RAD51B: variants seen among roughly 807,000 people sequenced by gnomAD.
The protein encoded by RAD51B is RAD51 paralog B.
In RAD51B, 38 loss-of-function variants were observed where a neutral mutation model predicts 42.2. The ratio of observed to expected loss-of-function variants is 0.90; its 90% CI spans 0.70 to 1.18. The LOEUF (loss-of-function observed/expected upper bound fraction) is 1.18, where lower values mean the gene tolerates loss of function less well. RAD51B is among the 50% of genes most tolerant of loss of function. RAD51B has a pLI of 0.00. For synonymous variants in RAD51B, 154 were observed against 145.2 expected (o/e 1.06, Z -0.43); for missense variants, 373 against 400.7 (o/e 0.93, Z 0.59).
chr14:67,855,238 CT>C lies in RAD51B; in HGVS notation c.316-9755del, dbSNP rs199813937. On this transcript the variant is annotated intron_variant, in intron 4 of 10. Transcript: ENST00000471583. ...TCTTGGAACAATTACTATTATAGTT[CT>C]TTTTTTTTTGAGACAGAGTCTTGCT... Among the ~76,000 whole-genome samples, 47 of 146,862 alleles carry C rather than the reference CT, an allele frequency of 3.2e-4. 1 individual carries two copies. The East Asian group carries it at 5.2e-3, about 16-fold the overall frequency.
intron 10 of RAD51B, among the ~76,000 whole-genome samples, chr14:68,542,782 G>C (rs1888035953): frequency 6.6e-6 from 1 of 152,040 alleles, no homozygotes; most frequent in African/African-American, 2.4e-5. Flanking sequence ...ATCCTATTTC[G>C]AGACCAGATG....
intron 7 of RAD51B, among the ~76,000 whole-genome samples, chr14:68,158,749 C>T (rs184945635): frequency 1.2e-4 from 19 of 152,244 alleles, no homozygotes; most frequent in African/African-American, 2.9e-4. Flanking sequence ...CCTCTCCTGT[C>T]GATTCTTCAT....
At chr14:67,990,730 G>C (rs2075281911) in intron 7 of RAD51B, among the ~76,000 whole-genome samples, 1 of 152,176 alleles carries the variant, frequency 6.6e-6, no homozygotes, top group African/African-American at 2.4e-5. Context: ...AAGAGGCATA[G>C]TATGTTTTAT....
chr14:68,299,236 G>A (rs530717715), intron 8 of RAD51B, among the ~76,000 whole-genome samples: 1 of 151,894 alleles, frequency 6.6e-6, no homozygotes, highest in Non-Finnish European at 1.5e-5. Context: ...TGTATGCCTG[G>A]CATCGTATGT....
At position 68,421,973 on chromosome 14, in the gene RAD51B, A is replaced by C. The variant is rs1329931745; in HGVS notation, c.957+10446A>C. On this transcript the variant is annotated intron_variant, in intron 9 of 10. Transcript: ENST00000471583. ...ATTTCTCCGTGTAGATGGACTTGCC[A>C]CCAGTGCCATTATGGTGACTTCACA... 7.8e-6 allele frequency: 12 copies of C among 1,537,460 alleles called. No homozygotes were observed. The Admixed American group carries it at 2.0e-4, about 26-fold the overall frequency.
intron 8 of RAD51B, among the ~76,000 whole-genome samples, chr14:68,378,801 C>T (rs953559792): frequency 6.6e-6 from 1 of 151,994 alleles, no homozygotes; most frequent in African/African-American, 2.4e-5. Flanking sequence ...TGAATACTCA[C>T]AGTAGTTTAT....
chr14:68,061,897 T>C (rs2076573829), intron 7 of RAD51B, among the ~76,000 whole-genome samples: 1 of 152,236 alleles, frequency 6.6e-6, no homozygotes, highest in Non-Finnish European at 1.5e-5. Context: ...TTTCTTTCTT[T>C]TGCCTGATTG....
intron 7 of RAD51B, among the ~76,000 whole-genome samples, chr14:68,289,994 C>T (rs980236515): frequency 1.3e-5 from 2 of 152,154 alleles, no homozygotes; most frequent in South Asian, 2.1e-4. Flanking sequence ...CTTTGCTACT[C>T]GAGTAATTCA....
chr14:68,664,442 A>T (rs1442034538), intron 11 of RAD51B, among the ~76,000 whole-genome samples: 1 of 152,222 alleles, frequency 6.6e-6, no homozygotes, highest in African/African-American at 2.4e-5. Context: ...TTTGTCCAAA[A>T]GCTAAATCTG....
At chr14:68,301,837 T>TCCAC (rs1439346261) in intron 8 of RAD51B, among the ~76,000 whole-genome samples, 4 of 152,196 alleles carry the variant, frequency 2.6e-5, no homozygotes, top group Admixed American at 2.6e-4. Flanking sequence ...CCTCAAGTGA[T>TCCAC]CCACCTGCCT....
chr14:68,183,264 C>T (rs566846339), intron 7 of RAD51B, among the ~76,000 whole-genome samples: 3 of 152,278 alleles, frequency 2.0e-5, no homozygotes, highest in African/African-American at 7.2e-5. Flanking sequence ...TCCAAAGGCC[C>T]AAGAGCCCCT....
chr14:67,901,984 C>G (rs2043629635), intron 7 of RAD51B, among the ~76,000 whole-genome samples: 1 of 152,084 alleles, frequency 6.6e-6, no homozygotes. Context: ...CTGGAAAGTC[C>G]TGACTTCATC....
At chr14:68,079,619 T>G (rs1254143153) in intron 7 of RAD51B, among the ~76,000 whole-genome samples, 2 of 152,196 alleles carry the variant, frequency 1.3e-5, no homozygotes, top group Non-Finnish European at 2.9e-5. Flanking sequence ...ATCTAAATCT[T>G]TATGTTGGTT....
At chr14:68,681,239 A>G (rs879640312) in intron 11 of RAD51B, among the ~76,000 whole-genome samples, 8 of 152,186 alleles carry the variant, frequency 5.3e-5, no homozygotes, top group Admixed American at 3.9e-4. Flanking sequence ...TGGAGACTGA[A>G]AAAAGATAGT....
intron 7 of RAD51B, among the ~76,000 whole-genome samples, chr14:67,941,107 G>C (rs1366675889): frequency 6.6e-6 from 1 of 152,144 alleles, no homozygotes. Flanking sequence ...CAAGTAGGAG[G>C]GAAGTATTTT....
At chr14:67,843,156 TTTA>T (rs1368160354) in intron 4 of RAD51B, among the ~76,000 whole-genome samples, 1 of 151,862 alleles carries the variant, frequency 6.6e-6, no homozygotes, top group Non-Finnish European at 1.5e-5. Context: ...TTTTTAAAAT[TTTA>T]TTATTATTAT....
chr14:68,187,390 T>C (rs1434618826), intron 7 of RAD51B, among the ~76,000 whole-genome samples: 1 of 152,096 alleles, frequency 6.6e-6, no homozygotes, highest in Non-Finnish European at 1.5e-5. Flanking sequence ...AAAAGAACTA[T>C]CCCTTTGGGA....
intron 11 of RAD51B, among the ~76,000 whole-genome samples, chr14:68,672,280 G>A (rs750682045): frequency 1.4e-4 from 22 of 152,290 alleles, no homozygotes; most frequent in Non-Finnish European, 2.2e-4. Context: ...GCTAGGGAAG[G>A]ATTTAAGAAC....
intron 8 of RAD51B, among the ~76,000 whole-genome samples, chr14:68,354,867 C>T (rs933733257): frequency 4.6e-5 from 7 of 152,146 alleles, no homozygotes; most frequent in Non-Finnish European, 1.0e-4. Flanking sequence ...AGAATTTTGA[C>T]GTGGGAGCCC....
Sources: allele counts gnomAD v4.1 joint callset (sites outside exome capture counted in the v4.1 genomes callset), GRCh38; gene constraint gnomAD v4.1.1; transcripts MANE v1.5; gene names NCBI Gene and HGNC (gene_info 2026-07-23, HGNC 2026-07-21).